RPS6KC1: variants seen among roughly 807,000 people sequenced by gnomAD.
RPS6KC1 encodes ribosomal protein S6 kinase C1.
A neutral mutation model predicts 103.8 loss-of-function variants in RPS6KC1; 54 were observed. The observed-to-expected ratio is 0.52, with a 90% CI of 0.42 to 0.65. The LOEUF is 0.65. Among genes scored for constraint, RPS6KC1 ranks in the 30% least tolerant of loss-of-function variants. The pLI, the probability that RPS6KC1 is intolerant of heterozygous loss-of-function variation, is 0.00. For synonymous variants in RPS6KC1, 439 were observed against 438.7 expected (o/e 1.00, Z -0.01); for missense variants, 1,151 against 1,253.8 (o/e 0.92, Z 1.24).
the RPS6KC1 span, among the ~76,000 whole-genome samples, chr1:213,469,012 G>A: frequency 1.8e-3 from 280 of 152,254 alleles, no homozygotes; most frequent in African/African-American, 6.5e-3. Context: ...TTTCCCAGCT[G>A]TCCTTCCTAA....
chr1:213,434,307 T>C, the RPS6KC1 span, among the ~76,000 whole-genome samples: 2 of 152,330 alleles, frequency 1.3e-5, no homozygotes, highest in Admixed American at 1.3e-4. Context: ...CCTTGAGTTT[T>C]GAAAGATATT....
chr1:213,432,179 G>T, the RPS6KC1 span, among the ~76,000 whole-genome samples: 37,556 of 152,004 alleles, frequency 0.25, 4,804 homozygotes, highest in East Asian at 0.3. Flanking sequence ...TATGCACACT[G>T]GTGTGCACAC....
the RPS6KC1 span, among the ~76,000 whole-genome samples, chr1:213,587,815 C>T: frequency 0.11 from 16,607 of 152,164 alleles, 1,486 homozygotes; most frequent in African/African-American, 0.25. Flanking sequence ...AGAAATCCCA[C>T]TGAGTGTTAT....
the RPS6KC1 span, among the ~76,000 whole-genome samples, chr1:213,350,581 A>G: frequency 6.6e-6 from 1 of 152,312 alleles, no homozygotes; most frequent in South Asian, 2.1e-4. Flanking sequence ...TAAGGATGAC[A>G]TAATAGAGCT....
In RPS6KC1 at chr1:213,075,152, A is replaced by G. The variant is rs1402749835; in HGVS notation, c.142-2544A>G. On this transcript the variant is annotated intron_variant, in intron 2 of 14. Transcript: ENST00000366960. ...AGGCGTGAGCCACCACGCCCGGCCT[A>G]GAATAAAAATTTTATCTGCAAATCT... Among the ~76,000 whole-genome samples, 3 of 152,088 alleles carry G rather than the reference A, an allele frequency of 2.0e-5. No individual in the cohort carries two copies. The East Asian group carries it at 5.8e-4, about 29-fold the overall frequency.
chr1:213,636,107 G>A, the RPS6KC1 span, among the ~76,000 whole-genome samples: 4 of 151,878 alleles, frequency 2.6e-5, no homozygotes, highest in Non-Finnish European at 4.4e-5. Context: ...CACTGCTCAA[G>A]GAAATAAAAG....
At chr1:213,537,501 C>T in the RPS6KC1 span, among the ~76,000 whole-genome samples, 2 of 152,110 alleles carry the variant, frequency 1.3e-5, no homozygotes, top group Admixed American at 1.3e-4. Context: ...ACACTCATGT[C>T]ACAGGTGTGT....
the RPS6KC1 span, among the ~76,000 whole-genome samples, chr1:213,397,051 C>G: frequency 6.6e-6 from 1 of 152,176 alleles, no homozygotes; most frequent in Non-Finnish European, 1.5e-5. Context: ...TGTGTAAAAT[C>G]TATCTACATC....
chr1:213,208,760 T>C (rs2093424721), intron 8 of RPS6KC1, among the ~76,000 whole-genome samples: 1 of 151,854 alleles, frequency 6.6e-6, no homozygotes, highest in African/African-American at 2.4e-5. Flanking sequence ...GTCCCACCTT[T>C]AGCTGTTTGT....
chr1:213,089,752 G>A (rs562426845), intron 3 of RPS6KC1, among the ~76,000 whole-genome samples: 83 of 152,200 alleles, frequency 5.5e-4, no homozygotes, highest in African/African-American at 2.0e-3. Flanking sequence ...GTGAGCCACC[G>A]CGCCCGGCCC....
intron 2 of RPS6KC1, among the ~76,000 whole-genome samples, chr1:213,073,913 C>A (rs1000798483): frequency 2.6e-5 from 4 of 152,046 alleles, no homozygotes; most frequent in South Asian, 4.1e-4. Flanking sequence ...TGACCTCAGG[C>A]GATCTGCTCA....
the RPS6KC1 span, among the ~76,000 whole-genome samples, chr1:213,286,848 C>A: frequency 7.9e-5 from 12 of 152,180 alleles, no homozygotes; most frequent in Non-Finnish European, 1.6e-4. Context: ...GGGTTTGAAA[C>A]TGATGTGGAT....
Position 213,240,691 on chromosome 1 carries a change from C to A in RPS6KC1, c.1226-11C>A. 6.3e-7 allele frequency: 1 copy of A among 1,587,966 alleles called. No homozygotes were observed. Among genetic ancestry groups the A allele is most frequent in the Non-Finnish European group, 8.6e-7 (1 of 1,167,644 alleles). On this transcript the variant is annotated splice_polypyrimidine_tract_variant and intron_variant, in intron 10 of 14. Transcript: ENST00000366960. ...TAATACTTTTGTTTGTTTTGTTATACTTGTTCACAGGTGGCAAACTGTGGT... is the reference window on the plus strand; with the variant it reads ...TAATACTTTTGTTTGTTTTGTTATAATTGTTCACAGGTGGCAAACTGTGGT...
At chr1:213,262,639 G>A in intron 13 of RPS6KC1, 82 bp from the exon 14 acceptor site, 1 of 903,504 alleles carries the variant, frequency 1.1e-6, no homozygotes, top group Admixed American at 1.7e-5. Context: ...TGAGCTCTCT[G>A]TACTTGCTGT....
intron 10 of RPS6KC1, among the ~76,000 whole-genome samples, chr1:213,239,870 C>T (rs1413767409): frequency 2.0e-5 from 3 of 151,806 alleles, no homozygotes; most frequent in Non-Finnish European, 4.4e-5. Context: ...AATTGTTTAA[C>T]GTAAAAGTTA....
At chr1:213,147,122 A>T (rs1047412255) in intron 6 of RPS6KC1, among the ~76,000 whole-genome samples, 1 of 151,944 alleles carries the variant, frequency 6.6e-6, no homozygotes, top group African/African-American at 2.4e-5. Flanking sequence ...GTTTGTAAAT[A>T]TTTCCTCCCA....
chr1:213,360,055 G>T, the RPS6KC1 span, among the ~76,000 whole-genome samples: 1 of 152,274 alleles, frequency 6.6e-6, no homozygotes, highest in East Asian at 1.9e-4. Context: ...TGTTCTCGAG[G>T]AGTATCTTTG....
chr1:213,322,463 C>G, the RPS6KC1 span, among the ~76,000 whole-genome samples: 1 of 152,118 alleles, frequency 6.6e-6, no homozygotes, highest in Non-Finnish European at 1.5e-5. Flanking sequence ...TAGAAATAGA[C>G]CACAGAAGAC....
At position 213,199,493 on chromosome 1, in the gene RPS6KC1, A is replaced by T. The variant is rs188927568; in HGVS notation, c.1044+23001A>T. Reference sequence around the variant, plus strand: ...CAATAAACTAGGTATTGAAGGAAATACCTCAAAATAATACGAGCCATCCAT... The same window carrying T: ...CAATAAACTAGGTATTGAAGGAAATTCCTCAAAATAATACGAGCCATCCAT... On this transcript the variant is annotated intron_variant, in intron 8 of 14. Coordinates refer to ENST00000366960, the MANE Select transcript of RPS6KC1 (RefSeq NM_012424.6). Among the ~76,000 whole-genome samples, 659 of 152,346 alleles carry T rather than the reference A, an allele frequency of 4.3e-3. 2 individuals are homozygous for T. The highest frequency in any genetic ancestry group is 7.6e-3 in the Non-Finnish European group (517 of 68,022).
Sources: gnomAD v4.1 joint callset for allele counts (sites outside exome capture counted in the v4.1 genomes callset) on GRCh38, gnomAD v4.1.1 for gene constraint, MANE v1.5 for transcripts, NCBI Gene and HGNC (gene_info 2026-07-23, HGNC 2026-07-21) for gene names.